MDGA2: variants seen among roughly 807,000 people sequenced by gnomAD.
MDGA2 encodes MAM domain-containing glycosylphosphatidylinositol anchor protein 2.
In MDGA2, 40 loss-of-function variants were observed where a neutral mutation model predicts 117.8. That is an observed-to-expected ratio of 0.34 (90% CI 0.26 to 0.44). The LOEUF (loss-of-function observed/expected upper bound fraction) is 0.44, where lower values mean the gene tolerates loss of function less well. Among genes scored for constraint, MDGA2 ranks in the 20% least tolerant of loss-of-function variants. MDGA2 has a pLI of 1.00. For missense variants in MDGA2, 1,123 were observed against 1,250.6 expected, an observed-to-expected ratio of 0.90 and a Z score of 1.54; for synonymous variants, 452 against 439.0, an observed-to-expected ratio of 1.03 and a Z score of -0.37.
chr14:46,847,816 T>G (rs1052012293), intron 15 of MDGA2, among the ~76,000 whole-genome samples: 1 of 152,000 alleles, frequency 6.6e-6, no homozygotes, highest in Non-Finnish European at 1.5e-5. Flanking sequence ...TTATTCATAC[T>G]TATTTAAAGC....
intron 1 of MDGA2, among the ~76,000 whole-genome samples, chr14:47,563,600 T>G (rs1280988485): frequency 7.5e-6 from 1 of 133,218 alleles, no homozygotes; most frequent in Non-Finnish European, 1.6e-5. Context: ...TTTTTTTTTT[T>G]TTTTTTTTTG....
chr14:47,499,133 G>A lies in MDGA2; in HGVS notation c.280+175384C>T, dbSNP rs116289731. Among the ~76,000 whole-genome samples, 1,477 of 151,956 alleles carry A rather than the reference G, an allele frequency of 9.7e-3. 25 individuals are homozygous for A. Among genetic ancestry groups the A allele is most frequent in the African/African-American group, 0.034 (1,400 of 41,462 alleles). The stretch of plus-strand genomic sequence containing the variant: ...AAAGGTGTGTGTTCATTTTTTAGGC[G>A]TATTTCTTCCTAATTATTTCAGCTG... On this transcript the variant is annotated intron_variant, in intron 1 of 16. Transcript: ENST00000399232.
In MDGA2 at chr14:47,581,860, T is replaced by C. The variant is rs188096020; in HGVS notation, c.280+92657A>G. Reference sequence around the variant, plus strand: ...AGCATATAACCTGGCTAATACACACTGGGTTTCAAAAATTATTTTACATAG... The same window carrying C: ...AGCATATAACCTGGCTAATACACACCGGGTTTCAAAAATTATTTTACATAG... On this transcript the variant is annotated intron_variant, in intron 1 of 16. Transcript: ENST00000399232. 5.2e-3 allele frequency among the ~76,000 whole-genome samples: 793 copies of C among 152,058 alleles called. 2 individuals are homozygous for C. The highest frequency in any genetic ancestry group is 9.2e-3 in the Non-Finnish European group (625 of 67,906).
Position 47,089,086 on chromosome 14 carries a change from G to C in MDGA2, c.1195+7768C>G, listed in dbSNP as rs1891013842. Reference sequence around the variant, plus strand: ...AAATGTCTGAAGACTGAGTATTGTTGAGATTTTTTTTTCCTGAGTATAAAA... The same window carrying C: ...AAATGTCTGAAGACTGAGTATTGTTCAGATTTTTTTTTCCTGAGTATAAAA... On this transcript the variant is annotated intron_variant, in intron 6 of 16. Transcript: ENST00000399232. Among the ~76,000 whole-genome samples, 3 of 152,218 alleles carry C rather than the reference G, an allele frequency of 2.0e-5. No individual in the cohort carries two copies. The South Asian group carries it at 6.2e-4, about 32-fold the overall frequency.
intron 1 of MDGA2, among the ~76,000 whole-genome samples, chr14:47,372,840 T>C (rs1891393714): frequency 6.6e-6 from 1 of 152,070 alleles, no homozygotes; most frequent in South Asian, 2.1e-4. Context: ...CAAATGTTCA[T>C]ATACATTTTA....
chr14:47,080,773 C>T (rs1312108785), intron 6 of MDGA2, among the ~76,000 whole-genome samples: 2 of 152,138 alleles, frequency 1.3e-5, no homozygotes, highest in African/African-American at 4.8e-5. Context: ...TGCTATTGTA[C>T]CTGGGCCTGC....
intron 1 of MDGA2, among the ~76,000 whole-genome samples, chr14:47,624,844 G>C (rs1897112638): frequency 6.6e-6 from 1 of 152,056 alleles, no homozygotes; most frequent in Non-Finnish European, 1.5e-5. Flanking sequence ...TGTATGTCAG[G>C]CACCCCATTA....
intron 1 of MDGA2, among the ~76,000 whole-genome samples, chr14:47,495,370 C>T (rs1214939025): frequency 1.3e-5 from 2 of 151,678 alleles, no homozygotes; most frequent in Non-Finnish European, 1.5e-5. Context: ...TTACACAATA[C>T]ATCCATGTAA....
At chr14:47,279,578 G>A (rs549329960) in intron 2 of MDGA2, among the ~76,000 whole-genome samples, 65 of 151,928 alleles carry the variant, frequency 4.3e-4, no homozygotes, top group Non-Finnish European at 7.4e-4. Flanking sequence ...ACTACTTAAT[G>A]TATTCAAACA....
At chr14:47,460,767 T>A (rs899609389) in intron 1 of MDGA2, among the ~76,000 whole-genome samples, 2 of 152,092 alleles carry the variant, frequency 1.3e-5, no homozygotes, top group Non-Finnish European at 2.9e-5. Flanking sequence ...AAATAGACTA[T>A]GACAAAGGAT....
chr14:47,378,797 G>C (rs1891540222), intron 1 of MDGA2, among the ~76,000 whole-genome samples: 2 of 152,096 alleles, frequency 1.3e-5, no homozygotes, highest in African/African-American at 4.8e-5. Context: ...CACTCTTCAG[G>C]ATATTATCCA....
intron 1 of MDGA2, among the ~76,000 whole-genome samples, chr14:47,392,873 G>T (rs2138441695): frequency 6.6e-6 from 1 of 152,176 alleles, no homozygotes; most frequent in East Asian, 1.9e-4. Flanking sequence ...TTAGGGCAAA[G>T]AAAAAGCTCA....
intron 6 of MDGA2, among the ~76,000 whole-genome samples, chr14:47,075,475 C>T (rs1204600860): frequency 6.6e-6 from 1 of 152,158 alleles, no homozygotes; most frequent in Non-Finnish European, 1.5e-5. Context: ...TTAACCTGAA[C>T]AAATTTGTTC....
intron 5 of MDGA2, among the ~76,000 whole-genome samples, chr14:47,110,017 A>G (rs1880950967): frequency 1.3e-5 from 2 of 152,184 alleles, no homozygotes; most frequent in African/African-American, 4.8e-5. Flanking sequence ...ACAGATGATA[A>G]GAATTTCATG....
At chr14:46,873,351 G>A in intron 14 of MDGA2, 82 bp downstream of exon 14, 1 of 1,279,054 alleles carries the variant, frequency 7.8e-7, no homozygotes, top group South Asian at 1.9e-5. Flanking sequence ...ACCAAAAATT[G>A]TTTTAATGCT....
intron 1 of MDGA2, among the ~76,000 whole-genome samples, chr14:47,413,725 G>T (rs1054441788): frequency 3.3e-5 from 5 of 150,918 alleles, no homozygotes; most frequent in Non-Finnish European, 7.4e-5. Context: ...TTTGGGACTG[G>T]ACATTTGTTT....
chr14:47,431,152 T>C (rs1892790296), intron 1 of MDGA2, among the ~76,000 whole-genome samples: 2 of 152,050 alleles, frequency 1.3e-5, no homozygotes, highest in Non-Finnish European at 1.5e-5. Flanking sequence ...TATGAGAATA[T>C]ATAAGTATAT....
chr14:47,020,216 G>T (rs984768963), intron 8 of MDGA2, among the ~76,000 whole-genome samples: 1 of 152,114 alleles, frequency 6.6e-6, no homozygotes, highest in Non-Finnish European at 1.5e-5. Context: ...GAATTCTATG[G>T]ATGAGCTAAT....
intron 1 of MDGA2, among the ~76,000 whole-genome samples, chr14:47,518,891 A>G (rs2093155055): frequency 6.6e-6 from 1 of 152,166 alleles, no homozygotes. Flanking sequence ...TGGAGGCCAT[A>G]TGCCCTTGGT....
Sources: allele counts gnomAD v4.1 joint callset (sites outside exome capture counted in the v4.1 genomes callset), GRCh38; gene constraint gnomAD v4.1.1; transcripts MANE v1.5; gene names NCBI Gene and HGNC (gene_info 2026-07-23, HGNC 2026-07-21).